RDH10: variants seen among roughly 807,000 people sequenced by gnomAD.
RDH10 encodes the protein retinol dehydrogenase 10, also known as retinol dehydrogenase 10 (all-trans).
In RDH10, 12 loss-of-function variants were observed where a neutral mutation model predicts 30.2. The observed-to-expected ratio is 0.40, with a 90% CI of 0.25 to 0.64. The LOEUF is 0.64. Ranked by LOEUF, RDH10 falls within the 30% of genes least tolerant of loss-of-function variation. RDH10 has a pLI of 0.43. For synonymous variants in RDH10, 189 were observed against 172.2 expected, an observed-to-expected ratio of 1.10 and a Z score of -0.76; for missense variants, 268 against 445.2, an observed-to-expected ratio of 0.60 and a Z score of 3.58.
intron 2 of RDH10, among the ~76,000 whole-genome samples, chr8:73,318,734 G>C (rs1056426164): frequency 6.6e-6 from 1 of 152,200 alleles, no homozygotes; most frequent in Non-Finnish European, 1.5e-5. Flanking sequence ...TAGCTGCATT[G>C]AAGTGTCACG....
At chr8:73,297,996 T>TAGGACC (rs1814303318) in intron 2 of RDH10, 1 of 160,318 alleles carries the variant, frequency 6.2e-6, no homozygotes, top group African/African-American at 2.4e-5. Context: ...ATCACCCTAA[T>TAGGACC]AGGACCCTAG....
chr8:73,309,610 C>CTTTTTTTTTTTT (rs5892406), intron 2 of RDH10, among the ~76,000 whole-genome samples: 6 of 120,558 alleles, frequency 5.0e-5, no homozygotes, highest in Non-Finnish European at 1.1e-4. Flanking sequence ...AAGTTGTTGC[C>CTTTTTTTTTTTT]TTTTTTTTTT....
rs1227322931 is a variant in RDH10 at position 73,323,101 on chromosome 8, A to G, written c.*65A>G. ...ATCAAGATGTTTCAGTCCAGTGCAC[A>G]TCAGCATTGCTGACATTTTATGGAT... On this transcript the variant is annotated 3_prime_UTR_variant, in exon 6 of 6. Transcript: ENST00000240285. The G allele has an allele frequency of 4.0e-6, 5 of 1,260,170 alleles. No homozygotes were observed. Among genetic ancestry groups the G allele is most frequent in the South Asian group, 3.7e-5 (3 of 81,914 alleles). 78.1% of individuals were successfully genotyped at this position (1,260,170 alleles called of 1,614,324 possible).
Position 73,294,919 on chromosome 8 carries a change from G to T in RDH10, c.-371G>T, listed in dbSNP as rs1416097553. The T allele has an allele frequency of 2.5e-6, 1 of 395,074 alleles. No individual in the cohort carries two copies. 24.5% of individuals were successfully genotyped at this position (395,074 alleles called of 1,614,324 possible). A position where few individuals can be genotyped will look rare whatever the true frequency, so the allele number is the denominator to read the frequency against. On this transcript the variant is annotated 5_prime_UTR_variant, in exon 1 of 6. Transcript: ENST00000240285. ...GCGCGCCGGTTCCGGGGACGCTCGG[G>T]CGGCAGCAGCTTGGCCATGAGGGCA...
At chr8:73,304,541 G>A (rs1310761727) in intron 2 of RDH10, among the ~76,000 whole-genome samples, 1 of 152,102 alleles carries the variant, frequency 6.6e-6, no homozygotes, top group Non-Finnish European at 1.5e-5. Context: ...GTGAAGTCCA[G>A]GCTCATTAGC....
intron 2 of RDH10, among the ~76,000 whole-genome samples, chr8:73,310,331 T>C (rs1321836136): frequency 6.6e-6 from 1 of 152,214 alleles, no homozygotes; most frequent in Non-Finnish European, 1.5e-5. Context: ...TATTTACCCT[T>C]CATTTATGTA....
At chr8:73,310,686 A>G (rs1250650372) in intron 2 of RDH10, among the ~76,000 whole-genome samples, 1 of 152,192 alleles carries the variant, frequency 6.6e-6, no homozygotes, top group African/African-American at 2.4e-5. Context: ...ATTTGGCTGC[A>G]ATTTTGTGGG....
At position 73,294,689 on chromosome 8, in the gene RDH10, G is replaced by C; in HGVS notation, c.-601G>C. ...GACACCCGCGGAGAGTGCAGGGCCG[G>C]GGAACGCGAGCCCTCGGGGGCAGCT... On this transcript the variant is annotated 5_prime_UTR_variant, in exon 1 of 6. Transcript: ENST00000240285. The C allele has an allele frequency of 8.2e-6, 3 of 367,076 alleles. No individual in the cohort carries two copies. Among genetic ancestry groups the C allele is most frequent in the Non-Finnish European group, 1.5e-5 (3 of 206,182 alleles). The allele number at this position is 367,076 out of a possible 1,614,324, so 22.7% of individuals were successfully genotyped here.
intron 2 of RDH10, among the ~76,000 whole-genome samples, chr8:73,301,660 G>A (rs1586188032): frequency 2.0e-5 from 3 of 152,126 alleles, no homozygotes; most frequent in Admixed American, 6.5e-5. Context: ...GGAGGCTGAG[G>A]CAGGAGAATT....
At position 73,324,580 on chromosome 8, in the gene RDH10, ATTAG is replaced by A. The variant is rs1028039760; in HGVS notation, c.*1548_*1551del. The A allele has an allele frequency of 5.3e-5, 8 of 152,344 alleles. No homozygotes were observed. The highest frequency in any genetic ancestry group is 1.4e-4 in the African/African-American group (6 of 41,438). The allele number at this position is 152,344 out of a possible 1,614,324, so 9.4% of individuals were successfully genotyped here. A position where few individuals can be genotyped will look rare whatever the true frequency, so the allele number is the denominator to read the frequency against. On this transcript the variant is annotated 3_prime_UTR_variant, in exon 6 of 6. Transcript: ENST00000240285. ...TTAACTTACATGCAATTGTGTGATT[ATTAG>A]TTATCAGCAGTGTTGTAAGGAAAAT...
At position 73,295,331 on chromosome 8, in the gene RDH10, G is replaced by T. The variant is rs1209647025; in HGVS notation, c.42G>T (p.Val14=). 1.3e-6 allele frequency: 2 copies of T among 1,565,450 alleles called. No homozygotes were observed. The highest frequency in any genetic ancestry group is 2.3e-5 in the South Asian group (2 of 85,450). ...VVEFFVVTFK[V]LWAFVLAAAR... is the part of the protein sequence containing the mutation. The stretch of plus-strand genomic sequence containing the variant: ...AGTTCTTCGTGGTCACTTTCAAAGT[G>T]CTCTGGGCGTTCGTGCTGGCCGCGG... Residue 14 remains valine (V), a synonymous_variant, in exon 1 of 6, where the codon GTG becomes GTT. Transcript: ENST00000240285.
chr8:73,307,495 A>G (rs1237094123), intron 2 of RDH10, among the ~76,000 whole-genome samples: 1 of 152,260 alleles, frequency 6.6e-6, no homozygotes, highest in Non-Finnish European at 1.5e-5. Flanking sequence ...ATTTTTATAT[A>G]GCACTTAAAT....
chr8:73,320,813 T>G, intron 3 of RDH10, 119 bp from the exon 4 acceptor site: 1 of 919,268 alleles, frequency 1.1e-6, no homozygotes, highest in South Asian at 1.8e-5. Flanking sequence ...CTTTGTGTAG[T>G]CACCTGTAAC....
In RDH10 at chr8:73,295,192, C is replaced by T. The variant is rs928150549; in HGVS notation, c.-98C>T. 12 of 1,211,340 alleles carry T rather than the reference C, an allele frequency of 9.9e-6. 1 individual carries two copies. In the African/African-American group the frequency reaches 1.3e-4, roughly 13 times the overall value. The allele number at this position is 1,211,340 out of a possible 1,614,324, so 75.0% of individuals were successfully genotyped here. A position where few individuals can be genotyped will look rare whatever the true frequency, so the allele number is the denominator to read the frequency against. On this transcript the variant is annotated 5_prime_UTR_variant, in exon 1 of 6. Transcript: ENST00000240285. ...GCGGGGCGCAGCCTTCTCGTCCCGG[C>T]CTCTGTGACAAGCGCCCCGGAGCCG... is the stretch of plus-strand genomic sequence containing the variant.
intron 2 of RDH10, among the ~76,000 whole-genome samples, chr8:73,313,977 A>G (rs1330580631): frequency 6.6e-6 from 1 of 152,186 alleles, no homozygotes; most frequent in African/African-American, 2.4e-5. Flanking sequence ...CTGCCCTCTC[A>G]GATCCACCCA....
At chr8:73,309,908 T>G (rs1814533574) in intron 2 of RDH10, among the ~76,000 whole-genome samples, 2 of 152,194 alleles carry the variant, frequency 1.3e-5, no homozygotes, top group Non-Finnish European at 2.9e-5. Context: ...GGCAATCCTA[T>G]GGCTTAAAAT....
chr8:73,316,771 G>A (rs1469992519), intron 2 of RDH10, among the ~76,000 whole-genome samples: 1 of 152,182 alleles, frequency 6.6e-6, no homozygotes, highest in Non-Finnish European at 1.5e-5. Context: ...ATGGTAGAAG[G>A]CAAAGAGGGT....
intron 2 of RDH10, among the ~76,000 whole-genome samples, chr8:73,304,755 G>A (rs1814439324): frequency 6.6e-6 from 1 of 152,162 alleles, no homozygotes; most frequent in Non-Finnish European, 1.5e-5. Flanking sequence ...GACAACAGAA[G>A]TTGAATAGTT....
At chr8:73,297,462 GCCC>G in intron 2 of RDH10, 33 bp downstream of exon 2, 1 of 1,485,414 alleles carries the variant, frequency 6.7e-7, no homozygotes, top group Non-Finnish European at 9.4e-7. Context: ...TCTTTGCTGG[GCCC>G]TCCTTAATGA....
Sources: gnomAD v4.1 joint callset for allele counts (sites outside exome capture counted in the v4.1 genomes callset) on GRCh38, gnomAD v4.1.1 for gene constraint, MANE v1.5 for transcripts, NCBI Gene and HGNC (gene_info 2026-07-23, HGNC 2026-07-21) for gene names.